CDH22: variants seen among roughly 807,000 people sequenced by gnomAD.
CDH22 encodes the protein cadherin-22.
A neutral mutation model predicts 58.4 loss-of-function variants in CDH22; 30 were observed. The observed-to-expected ratio is 0.51, with a 90% CI of 0.38 to 0.70. The LOEUF (loss-of-function observed/expected upper bound fraction) is 0.70. CDH22 is among the 30% of genes least tolerant of loss of function. The probability of loss-of-function intolerance (pLI) is 0.00; values close to 1 mark genes in which losing one functional copy is unlikely to be tolerated. For synonymous variants in CDH22, 513 were observed against 558.2 expected, an observed-to-expected ratio of 0.92 and a Z score of 1.14; for missense variants, 1,014 against 1,233.9, an observed-to-expected ratio of 0.82 and a Z score of 2.67.
intron 2 of CDH22, among the ~76,000 whole-genome samples, chr20:46,243,343 ATCTC>A (rs1309781037): frequency 6.6e-6 from 1 of 152,364 alleles, no homozygotes; most frequent in Admixed American, 6.5e-5. Context: ...ATTAATGGGC[ATCTC>A]TCTCTTTTTG....
At chr20:46,212,044 C>T (rs2086046743) in intron 6 of CDH22, among the ~76,000 whole-genome samples, 1 of 152,110 alleles carries the variant, frequency 6.6e-6, no homozygotes, top group Non-Finnish European at 1.5e-5. Flanking sequence ...TATTATTATC[C>T]TCTGGAAAGG....
intron 10 of CDH22, among the ~76,000 whole-genome samples, chr20:46,185,214 G>T (rs1380428477): frequency 2.6e-5 from 4 of 152,050 alleles, no homozygotes; most frequent in African/African-American, 9.7e-5. Context: ...TTGCCAGGGT[G>T]GTATAGAGCA....
In CDH22 at chr20:46,174,373, C is replaced by T; in HGVS notation, c.*133G>A. The T allele has an allele frequency of 1.6e-6, 1 of 615,688 alleles. No individual in the cohort carries two copies. The highest frequency in any genetic ancestry group is 3.3e-5 in the East Asian group (1 of 30,002). 38.1% of individuals were successfully genotyped at this position (615,688 alleles called of 1,614,324 possible). On this transcript the variant is annotated 3_prime_UTR_variant, in exon 12 of 12. Coordinates refer to ENST00000537909, the MANE Select transcript of CDH22 (RefSeq NM_021248.3). The surrounding 1 kb of genome is among the most constrained non-coding windows in gnomAD (Gnocchi z 4.4). Reference sequence around the variant, plus strand: ...TGGAAGAGTCCGCTCCTAGCAAGTCCCCCCTCCGTCCAGCCGCCAAGGGAG... The same window carrying T: ...TGGAAGAGTCCGCTCCTAGCAAGTCTCCCCTCCGTCCAGCCGCCAAGGGAG...
Position 46,186,895 on chromosome 20 carries a change from C to T in CDH22, c.1476G>A (p.Val492=). 1 of 1,611,918 alleles carries T rather than the reference C, an allele frequency of 6.2e-7. No individual in the cohort carries two copies. The highest frequency in any genetic ancestry group is 1.1e-5 in the South Asian group (1 of 90,620). ...TGGCCAGTTCTGGGGGATTGTCGTT[C>T]ACATCCAGGATTCGGATCCTTAGGG... The part of the protein sequence containing the change: ...RASLRIRILD[V]NDNPPELATP... Residue 492 remains valine (V), a synonymous_variant, in exon 9 of 12, where the codon GTG becomes GTA. Transcript: ENST00000537909.
At chr20:46,250,953 A>G in intron 2 of CDH22, 87 bp downstream of exon 2, 1 of 808,828 alleles carries the variant, frequency 1.2e-6, no homozygotes, top group Non-Finnish European at 2.1e-6. Context: ...TGGATTTAAA[A>G]GGGCAGGTGA....
At chr20:46,221,542 C>T (rs541060178) in intron 4 of CDH22, among the ~76,000 whole-genome samples, 3 of 152,222 alleles carry the variant, frequency 2.0e-5, no homozygotes, top group East Asian at 1.9e-4. Flanking sequence ...GGACAGTAAA[C>T]GTGAAAGCTG....
chr20:46,226,083 C>T (rs535257076), intron 4 of CDH22, among the ~76,000 whole-genome samples: 1 of 152,108 alleles, frequency 6.6e-6, no homozygotes, highest in Non-Finnish European at 1.5e-5. Flanking sequence ...GCCACCCTCT[C>T]GACGTCACCT....
At chr20:46,236,646 TTA>T (rs2086255134) in intron 3 of CDH22, among the ~76,000 whole-genome samples, 2 of 123,602 alleles carry the variant, frequency 1.6e-5, no homozygotes, top group African/African-American at 5.9e-5. Context: ...TATTTATATA[TTA>T]ATATCTATCT....
At chr20:46,263,411 T>TGTGTGTGTGTGAGTGTGTGC (rs1555806377) in intron 1 of CDH22, among the ~76,000 whole-genome samples, 12 of 151,236 alleles carry the variant, frequency 7.9e-5, no homozygotes, top group African/African-American at 2.9e-4. Context: ...CCATTCTGTG[T>TGTGTGTGTGTGAGTGTGTGC]GTGTGTGTGT....
intron 8 of CDH22, among the ~76,000 whole-genome samples, chr20:46,187,972 T>A (rs2085838823): frequency 6.6e-6 from 1 of 152,124 alleles, no homozygotes; most frequent in Non-Finnish European, 1.5e-5. Context: ...GCCAGACAAG[T>A]CCAAGGAGGT....
intron 8 of CDH22, among the ~76,000 whole-genome samples, chr20:46,196,220 T>C (rs2085900973): frequency 1.3e-5 from 2 of 152,076 alleles, no homozygotes; most frequent in African/African-American, 4.8e-5. Flanking sequence ...ATGGGGATAA[T>C]AAGTTTGTTC....
At position 46,251,443 on chromosome 20, in the gene CDH22, C is replaced by T. The variant is rs2086374736; in HGVS notation, c.-149G>A. 3 of 942,736 alleles carry T rather than the reference C, an allele frequency of 3.2e-6. No homozygotes were observed. The highest frequency in any genetic ancestry group is 8.8e-5 in the Admixed American group (2 of 22,826). 58.4% of individuals were successfully genotyped at this position (942,736 alleles called of 1,614,324 possible). A position where few individuals can be genotyped will look rare whatever the true frequency, so the allele number is the denominator to read the frequency against. ...GCCCCCGACGGGGCACCCGGACGGG[C>T]CCGCGGCCCTGAACGCCGCCCAGCC... On this transcript the variant is annotated 5_prime_UTR_variant, in exon 2 of 12. Transcript: ENST00000537909. The surrounding 1 kb of genome is among the most constrained non-coding windows in gnomAD (Gnocchi z 6.7).
At position 46,210,465 on chromosome 20, in the gene CDH22, G is replaced by A. The variant is rs764985148; in HGVS notation, c.1128C>T (p.Arg376=). The A allele has an allele frequency of 4.2e-6, 6 of 1,435,808 alleles. No individual in the cohort carries two copies. The highest frequency in any genetic ancestry group is 2.9e-5 in the Admixed American group (1 of 34,312). 88.9% of individuals were successfully genotyped at this position (1,435,808 alleles called of 1,614,324 possible). Reference sequence around the variant, plus strand: ...CGGCCACGCGCACGATCGCCTGGTCGCGGAACGTGCCCAGGTCGGCGAAGC... The same window carrying A: ...CGGCCACGCGCACGATCGCCTGGTCACGGAACGTGCCCAGGTCGGCGAAGC... The part of the protein sequence containing the change: ...DPRFADLGTF[R]DQAIVRVAVT... Residue 376 remains arginine, a synonymous_variant, in exon 7 of 12, where the codon CGC becomes CGT. Coordinates refer to ENST00000537909, the MANE Select transcript of CDH22 (RefSeq NM_021248.3). This position sits in a 1 kb window ranked among gnomAD's most constrained non-coding sequence, Gnocchi z 4.5.
At position 46,229,292 on chromosome 20, in the gene CDH22, C is replaced by A. The variant is rs958304295; in HGVS notation, c.551-1665G>T. Among the ~76,000 whole-genome samples the A allele has an allele frequency of 5.6e-5, 8 of 143,438 alleles. No individual in the cohort carries two copies. In the South Asian group the frequency reaches 1.9e-3, roughly 35 times the overall value. The allele number at this position is 143,438 out of a possible 152,430, so 94.1% of individuals were successfully genotyped here. A position where few individuals can be genotyped will look rare whatever the true frequency, so the allele number is the denominator to read the frequency against. ...AGCATCTCGGAGATGCAGAGTGGCC[C>A]CCCCCCCCAATTTTACAGCTGAGGA... On this transcript the variant is annotated intron_variant, in intron 3 of 11. Transcript: ENST00000537909.
Position 46,227,566 on chromosome 20 carries a change from A to C in CDH22, c.612T>G (p.Ala204=). The C allele has an allele frequency of 6.2e-7, 1 of 1,610,440 alleles. No individual in the cohort carries two copies. The highest frequency in any genetic ancestry group is 8.5e-7 in the Non-Finnish European group (1 of 1,178,420). Residue 204 remains alanine (A), a synonymous_variant, in exon 4 of 12, where the codon GCT becomes GCG. Transcript: ENST00000537909. ...CGTCCAGCACGCTGTACACCAGCCG[A>C]GCGCTGCTGCCGTACGTGGGGTCAT... The part of the protein sequence containing the change: ...DADDPTYGSS[A]RLVYSVLDGE...
At chr20:46,202,887 CAT>C (rs2085972106) in intron 7 of CDH22, among the ~76,000 whole-genome samples, 1 of 152,176 alleles carries the variant, frequency 6.6e-6, no homozygotes, top group African/African-American at 2.4e-5. Flanking sequence ...AGAGACATGA[CAT>C]AGCCTGGGCT....
chr20:46,252,110 C>T (rs903535108), intron 1 of CDH22, among the ~76,000 whole-genome samples: 1 of 151,970 alleles, frequency 6.6e-6, no homozygotes, highest in South Asian at 2.1e-4. Context: ...GCCCCCAAGA[C>T]CCAGGCCTCC....
intron 1 of CDH22, among the ~76,000 whole-genome samples, chr20:46,290,670 G>C (rs1442951548): frequency 6.6e-6 from 1 of 152,196 alleles, no homozygotes; most frequent in African/African-American, 2.4e-5. Context: ...GGCTCTGGCA[G>C]ACTCTAAGGG....
chr20:46,272,970 G>C (rs1435450899), intron 1 of CDH22, among the ~76,000 whole-genome samples: 1 of 152,160 alleles, frequency 6.6e-6, no homozygotes, highest in Non-Finnish European at 1.5e-5. Context: ...ACCATTCTGT[G>C]ATTAAATAAA....
Sources: allele counts gnomAD v4.1 joint callset (sites outside exome capture counted in the v4.1 genomes callset), GRCh38; gene constraint gnomAD v4.1.1; non-coding constraint Gnocchi (gnomAD v3.1); transcripts MANE v1.5; gene names NCBI Gene and HGNC (gene_info 2026-07-23, HGNC 2026-07-21).